Variants in SLC13A4 observed in about 807,000 individuals in gnomAD.
The protein encoded by SLC13A4 is solute carrier family 13 member 4.
A neutral mutation model predicts 72.7 loss-of-function variants in SLC13A4; 28 were observed. The ratio of observed to expected loss-of-function variants is 0.39; its 90% CI spans 0.29 to 0.53. The LOEUF (loss-of-function observed/expected upper bound fraction) is 0.53. Among genes scored for constraint, SLC13A4 ranks in the 20% least tolerant of loss-of-function variants. The probability of loss-of-function intolerance (pLI) is 0.78; values close to 1 mark genes in which losing one functional copy is unlikely to be tolerated. For synonymous variants in SLC13A4, 312 were observed against 325.5 expected (o/e 0.96, Z 0.45); for missense variants, 653 against 788.0 (o/e 0.83, Z 2.05).
At chr7:135,708,437 T>C (rs1214712989) in intron 2 of SLC13A4, among the ~76,000 whole-genome samples, 187 bp from the exon 3 acceptor site, 1 of 152,222 alleles carries the variant, frequency 6.6e-6, no homozygotes, top group Non-Finnish European at 1.5e-5. Context: ...TGAGCGTTCA[T>C]TGTGGGCAGG....
intron 11 of SLC13A4, 42 bp from the exon 12 acceptor site, chr7:135,691,687 T>C: frequency 7.2e-7 from 1 of 1,388,766 alleles, no homozygotes; most frequent in Non-Finnish European, 1.0e-6. Flanking sequence ...GGGTCAGGAA[T>C]TTTCAGGAGT....
At position 135,684,205 on chromosome 7, in the gene SLC13A4, G is replaced by A; in HGVS notation, c.1665C>T (p.Ile555=). The change falls in exon 15 of 16, where the codon ATC becomes ATT. Residue 555 remains isoleucine (I), a synonymous_variant. Transcript: ENST00000682651. ...CCACAGGCAGCATCACTGCAAAGGA[G>A]ATGCACATGGTGACTGGGATCAGGG... The part of the protein sequence containing the change: ...LYTLIPVTMC[I]SFAVMLPVGN... 6.2e-7 allele frequency: 1 copy of A among 1,613,210 alleles called. No individual in the cohort carries two copies. Among genetic ancestry groups the A allele is most frequent in the African/African-American group, 1.3e-5 (1 of 75,046 alleles).
chr7:135,712,135 A>G (rs1288120574), intron 2 of SLC13A4, among the ~76,000 whole-genome samples: 2 of 151,324 alleles, frequency 1.3e-5, no homozygotes, highest in Non-Finnish European at 2.9e-5. Flanking sequence ...ACTGGTACAC[A>G]TTTTTTATCT....
At chr7:135,687,779 T>C (rs1297080982) in intron 13 of SLC13A4, among the ~76,000 whole-genome samples, 6 of 147,004 alleles carry the variant, frequency 4.1e-5, no homozygotes, top group African/African-American at 7.6e-5. Flanking sequence ...TACTTAACGT[T>C]ATCCAAATAG....
At chr7:135,687,743 GTACAT>G (rs1161882604) in intron 13 of SLC13A4, among the ~76,000 whole-genome samples, 1 of 144,624 alleles carries the variant, frequency 6.9e-6, no homozygotes, top group Non-Finnish European at 1.5e-5. Flanking sequence ...AATGGAAATG[GTACAT>G]TATATAAAGA....
At chr7:135,693,987 G>T in intron 10 of SLC13A4, 150 bp downstream of exon 10, 1 of 613,984 alleles carries the variant, frequency 1.6e-6, no homozygotes, top group South Asian at 1.9e-5. Context: ...CTTGGCTTTG[G>T]CACTAAATAG....
intron 2 of SLC13A4, among the ~76,000 whole-genome samples, chr7:135,714,268 G>T (rs921474925): frequency 6.6e-6 from 1 of 152,228 alleles, no homozygotes; most frequent in Non-Finnish European, 1.5e-5. Context: ...GCATGACCCA[G>T]AAGCTGGCCC....
At chr7:135,726,196 C>A (rs1447233344) in intron 1 of SLC13A4, among the ~76,000 whole-genome samples, 1 of 151,900 alleles carries the variant, frequency 6.6e-6, no homozygotes, top group Non-Finnish European at 1.5e-5. Flanking sequence ...CAAGAAAAGC[C>A]ACAAAAAGAA....
chr7:135,683,321 AAAAGG>A, intron 15 of SLC13A4: 1 of 844,728 alleles, frequency 1.2e-6, no homozygotes, highest in Non-Finnish European at 1.4e-6. Context: ...AAAAAAAAAA[AAAAGG>A]ATAAAAAAGG....
chr7:135,710,717 G>A (rs185924258), intron 2 of SLC13A4, among the ~76,000 whole-genome samples: 5 of 152,174 alleles, frequency 3.3e-5, no homozygotes, highest in Non-Finnish European at 7.3e-5. Context: ...AAGGCAGGCT[G>A]CTCCATCTCT....
At chr7:135,726,725 C>G (rs1299313769) in intron 1 of SLC13A4, among the ~76,000 whole-genome samples, 1 of 152,196 alleles carries the variant, frequency 6.6e-6, no homozygotes, top group Non-Finnish European at 1.5e-5. Flanking sequence ...TATCGTGTCA[C>G]TTTTTGTCTG....
chr7:135,727,345 C>A, intron 1 of SLC13A4, 53 bp downstream of exon 1: 3 of 1,536,652 alleles, frequency 2.0e-6, no homozygotes, highest in Non-Finnish European at 2.6e-6. Flanking sequence ...GACCTCCCCT[C>A]TTTGCCCTCC....
intron 8 of SLC13A4, among the ~76,000 whole-genome samples, chr7:135,697,529 C>T (rs768336964): frequency 5.3e-5 from 8 of 152,142 alleles, no homozygotes; most frequent in Non-Finnish European, 1.0e-4. Flanking sequence ...GACAACTTTG[C>T]AGCAGTGTCC....
intron 3 of SLC13A4, chr7:135,707,670 T>C (rs1796197802): frequency 6.5e-6 from 1 of 154,128 alleles, no homozygotes; most frequent in African/African-American, 2.4e-5. Flanking sequence ...GCAGTGTCTC[T>C]AACTGGGTCT....
At chr7:135,699,241 G>C (rs2129494386) in intron 8 of SLC13A4, 123 bp downstream of exon 8, 1 of 1,030,854 alleles carries the variant, frequency 9.7e-7, no homozygotes, top group Admixed American at 3.2e-5. Flanking sequence ...TGCTCAGCCT[G>C]TTTTTCCCTC....
At position 135,685,632 on chromosome 7, in the gene SLC13A4, G is replaced by A; in HGVS notation, c.1498C>T (p.Leu500Phe). The change falls in exon 14 of 16, where the codon CTC becomes TTC. Residue 500 changes from leucine (L) to phenylalanine (F), a missense_variant. Leu to Phe is a conservative substitution (Grantham distance 22). Transcript: ENST00000682651. ...AGCAGGGTGACAGCCCACGGTGGGA[G>A]GCTGCTCAGGGACAACATCTGGTTC... ...IGNQMLSLSS[L>F]PPWAVTLLAC... 6.2e-7 allele frequency: 1 copy of A among 1,614,218 alleles called. No individual in the cohort carries two copies. The highest frequency in any genetic ancestry group is 8.5e-7 in the Non-Finnish European group (1 of 1,180,018).
At chr7:135,683,899 C>T (rs957666507) in intron 15 of SLC13A4, 42 of 659,678 alleles carry the variant, frequency 6.4e-5, no homozygotes, top group Non-Finnish European at 7.9e-5. Context: ...ACCTAGGTAC[C>T]CACTTCCTTC....
intron 13 of SLC13A4, among the ~76,000 whole-genome samples, chr7:135,690,209 A>G (rs1318698854): frequency 6.9e-6 from 1 of 145,780 alleles, no homozygotes; most frequent in Non-Finnish European, 1.5e-5. Context: ...AAAAAAAAAG[A>G]GAACCAAGTT....
chr7:135,692,152 C>T (rs1795802281), intron 11 of SLC13A4, 171 bp downstream of exon 11: 1 of 629,932 alleles, frequency 1.6e-6, no homozygotes. Flanking sequence ...GACCGGGACT[C>T]CAAAGAGTGT....
Sources: gnomAD v4.1 joint callset for allele counts (sites outside exome capture counted in the v4.1 genomes callset) on GRCh38, gnomAD v4.1.1 for gene constraint, MANE v1.5 for transcripts, NCBI Gene and HGNC (gene_info 2026-07-23, HGNC 2026-07-21) for gene names.